NBEA: variants seen among roughly 807,000 people sequenced by gnomAD.
The protein encoded by NBEA is lysosomal-trafficking regulator 2.
NBEA carries 44 observed loss-of-function variants against 343.4 expected under a neutral mutation model. That is an observed-to-expected ratio of 0.13 (90% CI 0.10 to 0.16). The LOEUF (loss-of-function observed/expected upper bound fraction) is 0.16, where lower values mean the gene tolerates loss of function less well. NBEA is among the 10% of genes least tolerant of loss of function. The probability of loss-of-function intolerance (pLI) is 1.00; values close to 1 mark genes in which losing one functional copy is unlikely to be tolerated. For synonymous variants in NBEA, 1,175 were observed against 1,238.7 expected (o/e 0.95, Z 1.08); for missense variants, 2,555 against 3,631.3 (o/e 0.70, Z 7.62).
At chr13:35,268,261 A>C (rs1053072793) in intron 34 of NBEA, among the ~76,000 whole-genome samples, 121 of 152,112 alleles carry the variant, frequency 8.0e-4, no homozygotes, top group African/African-American at 2.9e-3. Flanking sequence ...AGAAAGGCAA[A>C]TGATGTGTGA....
chr13:35,353,143 A>T (rs2040283667), intron 38 of NBEA, among the ~76,000 whole-genome samples: 1 of 152,168 alleles, frequency 6.6e-6, no homozygotes, highest in Admixed American at 6.6e-5. Context: ...CTTGGTAAAA[A>T]TGATTCTGTT....
At chr13:35,440,514 A>T (rs1052410676) in intron 39 of NBEA, among the ~76,000 whole-genome samples, 1 of 152,198 alleles carries the variant, frequency 6.6e-6, no homozygotes, top group Non-Finnish European at 1.5e-5. Flanking sequence ...AGTCGAAAGG[A>T]TGAATGGAAG....
At chr13:35,120,991 G>C (rs2066763894) in intron 16 of NBEA, among the ~76,000 whole-genome samples, 1 of 152,070 alleles carries the variant, frequency 6.6e-6, no homozygotes, top group Admixed American at 6.5e-5. Context: ...ACCCAGGGTG[G>C]GGTCTAATAC....
intron 48 of NBEA, 46 bp from the exon 49 acceptor site, chr13:35,628,035 G>C: frequency 6.8e-7 from 1 of 1,468,140 alleles, no homozygotes; most frequent in Non-Finnish European, 9.3e-7. Context: ...ATATGAAGGT[G>C]TACTAAGTTT....
At chr13:35,308,655 AC>A (rs35172005) in intron 35 of NBEA, among the ~76,000 whole-genome samples, 4 of 143,362 alleles carry the variant, frequency 2.8e-5, no homozygotes, top group Admixed American at 7.2e-5. Context: ...TGTATTTAAA[AC>A]CCCATATATA....
intron 38 of NBEA, among the ~76,000 whole-genome samples, chr13:35,358,776 A>T (rs1219425415): frequency 1.3e-5 from 2 of 152,310 alleles, no homozygotes; most frequent in Admixed American, 6.5e-5. Context: ...AGGATAGAAA[A>T]GTGCCAAGTA....
chr13:34,954,494 CT>C (rs1566086498), intron 1 of NBEA, among the ~76,000 whole-genome samples: 1 of 152,156 alleles, frequency 6.6e-6, no homozygotes, highest in Non-Finnish European at 1.5e-5. Flanking sequence ...CAAATCTTAT[CT>C]TTGCAGGCTA....
Position 35,464,121 on chromosome 13 carries a change from G to GA in NBEA, c.6449-8270dup, listed in dbSNP as rs527298073. On this transcript the variant is annotated intron_variant, in intron 40 of 58. Coordinates refer to ENST00000379939, the MANE Select transcript of NBEA (RefSeq NM_001385012.1). ...ACAAATATATAGGTGAACTTTTCTA[G>GA]AAAAAAAAATCCGTATATTTAACCA... is the stretch of plus-strand genomic sequence containing the variant. Among the ~76,000 whole-genome samples, 409 of 150,498 alleles carry GA rather than the reference G, an allele frequency of 2.7e-3. 2 individuals are homozygous for GA. The highest frequency in any genetic ancestry group is 5.6e-3 in the African/African-American group (231 of 41,104).
At chr13:35,616,897 G>A (rs2082763064) in intron 48 of NBEA, among the ~76,000 whole-genome samples, 1 of 152,144 alleles carries the variant, frequency 6.6e-6, no homozygotes, top group Admixed American at 6.5e-5. Flanking sequence ...TTCAAAGTGT[G>A]CTTCTTTAAA....
chr13:35,329,550 G>T (rs2038794782), intron 36 of NBEA, among the ~76,000 whole-genome samples: 1 of 151,864 alleles, frequency 6.6e-6, no homozygotes, highest in South Asian at 2.1e-4. Context: ...AACATGTATG[G>T]AACTTAAAAA....
intron 36 of NBEA, among the ~76,000 whole-genome samples, chr13:35,318,667 G>A (rs2037918243): frequency 6.6e-6 from 1 of 152,186 alleles, no homozygotes; most frequent in Non-Finnish European, 1.5e-5. Context: ...AATAGTTTCA[G>A]AAGGAATGGT....
intron 51 of NBEA, among the ~76,000 whole-genome samples, chr13:35,649,136 G>A (rs2084390049): frequency 6.6e-6 from 1 of 152,206 alleles, no homozygotes; most frequent in African/African-American, 2.4e-5. Context: ...AGAACCTGGG[G>A]AGAACTGCCA....
intron 41 of NBEA, chr13:35,476,722 A>G: frequency 9.4e-7 from 1 of 1,063,468 alleles, no homozygotes; most frequent in Admixed American, 4.8e-5. Flanking sequence ...GGAAATTATA[A>G]AGGCAGGGCC....
intron 26 of NBEA, among the ~76,000 whole-genome samples, chr13:35,171,682 T>C (rs781415086): frequency 1.7e-4 from 26 of 152,086 alleles, no homozygotes; most frequent in Non-Finnish European, 2.6e-4. Context: ...GGTTCATAGT[T>C]TGAAATCAAG....
At chr13:35,007,547 A>G (rs2061358263) in intron 1 of NBEA, among the ~76,000 whole-genome samples, 1 of 152,160 alleles carries the variant, frequency 6.6e-6, no homozygotes, top group South Asian at 2.1e-4. Context: ...GCTGGAGTGC[A>G]GTGGCGTGAT....
chr13:35,576,762 A>G (rs1183997819), intron 45 of NBEA, among the ~76,000 whole-genome samples: 2 of 152,172 alleles, frequency 1.3e-5, no homozygotes, highest in Admixed American at 1.3e-4. Context: ...AATTTTCCCC[A>G]CAAGAAATTT....
intron 46 of NBEA, 97 bp from the exon 47 acceptor site, chr13:35,593,229 CCA>C: frequency 7.3e-7 from 1 of 1,372,468 alleles, no homozygotes; most frequent in Non-Finnish European, 9.9e-7. Context: ...TGATCTGCCT[CCA>C]CATCTTGAAG....
At chr13:35,522,720 A>G (rs1346457980) in intron 41 of NBEA, among the ~76,000 whole-genome samples, 3 of 151,930 alleles carry the variant, frequency 2.0e-5, no homozygotes, top group Non-Finnish European at 4.4e-5. Flanking sequence ...CGGCAGCATG[A>G]GATTCTCATA....
chr13:35,511,838 T>G (rs145099267), intron 41 of NBEA, among the ~76,000 whole-genome samples: 1 of 152,306 alleles, frequency 6.6e-6, no homozygotes, highest in African/African-American at 2.4e-5. Context: ...AATATAGCAG[T>G]TACCTCATTT....
Sources: allele counts gnomAD v4.1 joint callset (sites outside exome capture counted in the v4.1 genomes callset), GRCh38; gene constraint gnomAD v4.1.1; transcripts MANE v1.5; gene names NCBI Gene and HGNC (gene_info 2026-07-23, HGNC 2026-07-21).